Variants in FAM120C observed in about 807,000 individuals in gnomAD.
FAM120C encodes family with sequence similarity 120 member C.
FAM120C carries 14 observed loss-of-function variants against 71.2 expected under a neutral mutation model. That is an observed-to-expected ratio of 0.20 (90% CI 0.13 to 0.31). FAM120C has a LOEUF of 0.31. FAM120C is among the 10% of genes least tolerant of loss of function. The pLI is 1.00. For missense variants in FAM120C, 500 were observed against 879.0 expected, an observed-to-expected ratio of 0.57 and a Z score of 5.45; for synonymous variants, 354 against 353.2, an observed-to-expected ratio of 1.00 and a Z score of -0.03.
intron 3 of FAM120C, among the ~76,000 whole-genome samples, chrX:54,157,186 C>T (rs1042127784): frequency 9.0e-6 from 1 of 111,687 alleles, no homozygotes; most frequent in Non-Finnish European, 1.9e-5. Context: ...ATTGGGTTAT[C>T]GGTATATTTC....
chrX:54,136,595 A>T lies in FAM120C; in HGVS notation c.1159-5T>A, dbSNP rs782459444. ...TATTTTATCTTCTGTCCTGGACTGG[A>T]TGTTGGAACATCAGATTTTCAGAAG... On this transcript the variant is annotated splice_polypyrimidine_tract_variant and splice_region_variant and intron_variant, in intron 4 of 15. Transcript: ENST00000375180. 67 of 1,126,529 alleles carry T rather than the reference A, an allele frequency of 5.9e-5. No homozygotes were observed. In the Admixed American group the frequency reaches 8.4e-4, roughly 14 times the overall value. The allele number at this position is 1,126,529 out of a possible 1,213,427, so 92.8% of individuals were successfully genotyped here.
chrX:54,165,711 C>T (rs782384951), intron 1 of FAM120C, among the ~76,000 whole-genome samples: 1 of 109,893 alleles, frequency 9.1e-6, no homozygotes, highest in South Asian at 3.9e-4. Flanking sequence ...CAGGAGGTAG[C>T]GGTTGTAGTG....
intron 14 of FAM120C, 87 bp from the exon 15 acceptor site, chrX:54,080,376 G>T: frequency 1.3e-6 from 1 of 754,146 alleles, no homozygotes; most frequent in Non-Finnish European, 2.0e-6. Flanking sequence ...TCTCCTCTTA[G>T]AAGTTTGACC....
chrX:54,124,988 T>G (rs782469835), intron 9 of FAM120C, among the ~76,000 whole-genome samples: 4 of 111,598 alleles, frequency 3.6e-5, no homozygotes, highest in African/African-American at 1.3e-4. Context: ...ACCATTTATA[T>G]AAAAGAAACA....
intron 4 of FAM120C, among the ~76,000 whole-genome samples, chrX:54,142,761 T>G (rs2067132556): frequency 9.0e-6 from 1 of 111,521 alleles, no homozygotes; most frequent in Admixed American, 9.6e-5. Context: ...AGCACAGAGT[T>G]TGAGATCTGA....
At chrX:54,143,376 A>C (rs1189257307) in intron 4 of FAM120C, among the ~76,000 whole-genome samples, 1 of 109,899 alleles carries the variant, frequency 9.1e-6, no homozygotes, top group African/African-American at 3.3e-5. Flanking sequence ...TGAATCCAGG[A>C]GCTGGTTTTT....
At chrX:54,100,049 T>C (rs1322458234) in intron 10 of FAM120C, among the ~76,000 whole-genome samples, 1 of 112,272 alleles carries the variant, frequency 8.9e-6, no homozygotes, top group African/African-American at 3.2e-5. Context: ...CTGTGAAATC[T>C]AAACAAGTTA....
intron 10 of FAM120C, among the ~76,000 whole-genome samples, chrX:54,095,335 GCTC>G (rs1332424866): frequency 9.7e-6 from 1 of 102,616 alleles, no homozygotes; most frequent in East Asian, 3.1e-4. Context: ...ATACTCAGTA[GCTC>G]CCCCTTTACT....
chrX:54,084,730 A>G (rs2066785246), intron 13 of FAM120C, among the ~76,000 whole-genome samples: 1 of 110,583 alleles, frequency 9.0e-6, no homozygotes, highest in African/African-American at 3.3e-5. Flanking sequence ...AAAAAAAAAA[A>G]AATCTTGTTT....
At chrX:54,163,935 T>C (rs1020989682) in intron 1 of FAM120C, among the ~76,000 whole-genome samples, 8 of 107,594 alleles carry the variant, frequency 7.4e-5, no homozygotes, top group Non-Finnish European at 1.3e-4. Context: ...CATATATATA[T>C]ATATTTTTTT....
chrX:54,133,952 C>G lies in FAM120C; in HGVS notation c.1711G>C (p.Glu571Gln). 1.7e-6 allele frequency: 2 copies of G among 1,211,844 alleles called. No homozygotes were observed. Among genetic ancestry groups the G allele is most frequent in the Non-Finnish European group, 2.2e-6 (2 of 895,538 alleles). The change falls in exon 8 of 16, where the codon GAA (glutamate) becomes CAA (glutamine). Residue 571 changes from glutamate to glutamine, a missense_variant. Coordinates refer to ENST00000375180, the MANE Select transcript of FAM120C (RefSeq NM_017848.6). The part of the protein sequence containing the change: ...WAQPVDTGVS[E>Q]ASLGDGEPHI... Reference sequence around the variant, plus strand: ...GGCTCACCATCACCTAGGCTCGCTTCTGAAACTCCAGTATCAACAGGCTGT... The same window carrying G: ...GGCTCACCATCACCTAGGCTCGCTTGTGAAACTCCAGTATCAACAGGCTGT...
At chrX:54,091,599 G>A (rs1557122640) in intron 10 of FAM120C, among the ~76,000 whole-genome samples, 173 bp from the exon 11 acceptor site, 1 of 111,967 alleles carries the variant, frequency 8.9e-6, no homozygotes. Context: ...GGTGGTAGAG[G>A]AAAAGAATCA....
At chrX:54,097,154 G>A (rs1326395272) in intron 10 of FAM120C, among the ~76,000 whole-genome samples, 7 of 111,841 alleles carry the variant, frequency 6.3e-5, no homozygotes, top group Admixed American at 2.9e-4. Context: ...CTTGTCAATC[G>A]GAGTCTTCAG....
chrX:54,159,548 G>C lies in FAM120C; in HGVS notation c.768C>G (p.Gly256=). ...CATACTCGGAGTCATGGGCAAGAAG[G>C]CCATGGAAGCCATTTTCCCTGAAAA... ...VAFFRENGFH[G]LLAHDSEYAL... Residue 256 remains glycine (G), a synonymous_variant, in exon 2 of 16, where the codon GGC becomes GGG. Coordinates refer to ENST00000375180, the MANE Select transcript of FAM120C (RefSeq NM_017848.6). 1 of 1,209,835 alleles carries C rather than the reference G, an allele frequency of 8.3e-7. No homozygotes were observed. Among genetic ancestry groups the C allele is most frequent in the East Asian group, 3.0e-5 (1 of 33,783 alleles).
intron 1 of FAM120C, 128 bp from the exon 2 acceptor site, chrX:54,159,744 T>A: frequency 1.5e-6 from 1 of 662,331 alleles, no homozygotes; most frequent in Non-Finnish European, 2.2e-6. Flanking sequence ...AACAGAACAT[T>A]CTTTTAACAT....
At chrX:54,128,164 C>T (rs2067038164) in intron 9 of FAM120C, among the ~76,000 whole-genome samples, 1 of 110,600 alleles carries the variant, frequency 9.0e-6, no homozygotes, top group African/African-American at 3.3e-5. Flanking sequence ...CTTCCCTTCT[C>T]ACCACCCTCC....
chrX:54,136,689 A>G (rs2067096324), intron 4 of FAM120C, 99 bp from the exon 5 acceptor site: 2 of 621,647 alleles, frequency 3.2e-6, no homozygotes, highest in East Asian at 6.8e-5. Context: ...CAGAAATCAA[A>G]TATTTAAAGA....
intron 1 of FAM120C, among the ~76,000 whole-genome samples, chrX:54,160,108 G>A (rs782222960): frequency 4.2e-4 from 46 of 110,624 alleles, no homozygotes; most frequent in African/African-American, 1.4e-3. Context: ...TAACATTAGA[G>A]ACTTCTGTTA....
intron 9 of FAM120C, among the ~76,000 whole-genome samples, chrX:54,128,927 C>T (rs1162733758): frequency 9.0e-6 from 1 of 110,787 alleles, no homozygotes; most frequent in East Asian, 2.8e-4. Flanking sequence ...CACCTTTCCC[C>T]CTTTTCTATT....
Sources: allele counts gnomAD v4.1 joint callset (sites outside exome capture counted in the v4.1 genomes callset), GRCh38; gene constraint gnomAD v4.1.1; transcripts MANE v1.5; gene names NCBI Gene and HGNC (gene_info 2026-07-23, HGNC 2026-07-21).